Variants in RUNX1T1 observed in about 807,000 individuals in gnomAD.
RUNX1T1 encodes protein CBFA2T1.
Under a neutral mutation model 62.8 loss-of-function variants are expected in RUNX1T1, and 4 were observed. The observed-to-expected ratio is 0.06, with a 90% CI of 0.03 to 0.15. The LOEUF (loss-of-function observed/expected upper bound fraction) is 0.15. Among genes scored for constraint, RUNX1T1 ranks in the 10% least tolerant of loss-of-function variants. The pLI, the probability that RUNX1T1 is intolerant of heterozygous loss-of-function variation, is 1.00. For missense variants in RUNX1T1, 508 were observed against 754.3 expected (o/e 0.67, Z 3.82); for synonymous variants, 291 against 286.0 (o/e 1.02, Z -0.18).
chr8:92,006,649 C>T (rs1820833750), intron 4 of RUNX1T1: 2 of 150,862 alleles, frequency 1.3e-5, no homozygotes, highest in South Asian at 2.1e-4. Flanking sequence ...TTTTCCTTTA[C>T]TCTGAAGAAC....
intron 10 of RUNX1T1, among the ~76,000 whole-genome samples, chr8:91,967,850 G>T (rs1811966113): frequency 6.6e-6 from 1 of 152,112 alleles, no homozygotes; most frequent in Non-Finnish European, 1.5e-5. Flanking sequence ...TTTACAATAG[G>T]TGGTGGCTTC....
intron 2 of RUNX1T1, among the ~76,000 whole-genome samples, chr8:92,070,460 T>C (rs1296268156): frequency 6.6e-6 from 1 of 152,154 alleles, no homozygotes; most frequent in Non-Finnish European, 1.5e-5. Context: ...AGGATACACA[T>C]AACACTTATG....
At chr8:91,955,784 A>C (rs1017980572), downstream of RUNX1T1, 3 of 225,878 alleles carry the variant, frequency 1.3e-5, no homozygotes, top group African/African-American at 6.7e-5. Context: ...TATATAAGAT[A>C]ATCTGTGTTT....
downstream of RUNX1T1, chr8:91,958,318 A>G (rs1809670182): frequency 5.1e-6 from 1 of 197,022 alleles, no homozygotes; most frequent in African/African-American, 2.3e-5. Context: ...GGGTTAATGG[A>G]TTCATACTAT....
chr8:92,083,913 G>A (rs546975808), intron 1 of RUNX1T1, among the ~76,000 whole-genome samples: 36 of 152,240 alleles, frequency 2.4e-4, no homozygotes, highest in African/African-American at 8.2e-4. Context: ...GGAATACTAC[G>A]CAGCCATAAA....
chr8:91,956,962 C>T (rs1158341640), downstream of RUNX1T1: 1 of 194,330 alleles, frequency 5.1e-6, no homozygotes, highest in East Asian at 7.9e-5. Flanking sequence ...AAGACATGCA[C>T]CTACACATAA....
intron 1 of RUNX1T1, among the ~76,000 whole-genome samples, chr8:92,090,576 T>C (rs1017470365): frequency 2.6e-5 from 4 of 152,144 alleles, no homozygotes; most frequent in Middle Eastern, 3.2e-3. Context: ...TAGCACACAC[T>C]TGTGAGTATC....
intron 5 of RUNX1T1, among the ~76,000 whole-genome samples, chr8:92,000,980 A>C (rs1443154594): frequency 3.9e-5 from 6 of 152,218 alleles, no homozygotes; most frequent in African/African-American, 1.4e-4. Context: ...TCCACTAAGA[A>C]GCTTTGCAAC....
At chr8:92,008,429 C>CAT (rs60415416) in intron 4 of RUNX1T1, among the ~76,000 whole-genome samples, 1 of 148,420 alleles carries the variant, frequency 6.7e-6, no homozygotes, top group South Asian at 2.2e-4. Context: ...CACACACACA[C>CAT]GAGACTATGT....
intron 1 of RUNX1T1, among the ~76,000 whole-genome samples, chr8:92,038,275 T>C (rs1827795995): frequency 6.6e-6 from 1 of 152,140 alleles, no homozygotes; most frequent in South Asian, 2.1e-4. Context: ...AGCACTGTTA[T>C]ATCCCAGTCC....
intron 5 of RUNX1T1, among the ~76,000 whole-genome samples, chr8:91,996,128 AAGTG>A (rs1177275043): frequency 6.6e-6 from 1 of 152,200 alleles, no homozygotes; most frequent in African/African-American, 2.4e-5. Flanking sequence ...TAGAAATCTG[AAGTG>A]AGAGGTAACT....
intron 9 of RUNX1T1, among the ~76,000 whole-genome samples, chr8:91,973,888 A>T (rs1047235966): frequency 6.6e-6 from 1 of 152,108 alleles, no homozygotes; most frequent in Non-Finnish European, 1.5e-5. Context: ...CTATTCCCAA[A>T]CTGTTTTTAA....
At chr8:92,064,796 G>A (rs751327476), upstream of RUNX1T1, among the ~76,000 whole-genome samples, 4 of 152,124 alleles carry the variant, frequency 2.6e-5, no homozygotes, top group South Asian at 2.1e-4. Flanking sequence ...TCTTAATATC[G>A]GTACACTGCA....
At chr8:92,089,204 C>A (rs1056835361) in intron 1 of RUNX1T1, among the ~76,000 whole-genome samples, 2 of 152,114 alleles carry the variant, frequency 1.3e-5, no homozygotes, top group Non-Finnish European at 2.9e-5. Flanking sequence ...GAAACCCTAG[C>A]CTGGGTTTAC....
At chr8:92,028,886 C>G (rs1825742932) in intron 1 of RUNX1T1, among the ~76,000 whole-genome samples, 1 of 151,910 alleles carries the variant, frequency 6.6e-6, no homozygotes, top group Non-Finnish European at 1.5e-5. Context: ...AAACAAAAAA[C>G]AAAAACAAGT....
At chr8:92,094,756 G>T (rs1837535424) in intron 1 of RUNX1T1, among the ~76,000 whole-genome samples, 1 of 150,112 alleles carries the variant, frequency 6.7e-6, no homozygotes, top group African/African-American at 2.5e-5. Flanking sequence ...AGGGTAGGGG[G>T]TTGTCGGGAG....
chr8:92,047,668 T>C (rs76901483), intron 1 of RUNX1T1, among the ~76,000 whole-genome samples: 1 of 151,908 alleles, frequency 6.6e-6, no homozygotes, highest in Admixed American at 6.6e-5. Context: ...CTTACAGACC[T>C]ATCATAACTG....
At chr8:92,053,517 T>C (rs944025738) in intron 1 of RUNX1T1, among the ~76,000 whole-genome samples, 2 of 152,220 alleles carry the variant, frequency 1.3e-5, no homozygotes, top group Non-Finnish European at 2.9e-5. Context: ...GTGTTGTATG[T>C]TGCATTATAC....
At chr8:91,959,413 TGTGTGTG>T in exon 11 of RUNX1T1, 1 of 52,756 alleles carries the variant, frequency 1.9e-5, no homozygotes, top group Non-Finnish European at 4.1e-5. Context: ...GTCTCTTACT[TGTGTGTG>T]TGTGTGTGTG....
Sources: allele counts gnomAD v4.1 joint callset (sites outside exome capture counted in the v4.1 genomes callset), GRCh38; gene constraint gnomAD v4.1.1; transcripts MANE v1.5; gene names NCBI Gene and HGNC (gene_info 2026-07-23, HGNC 2026-07-21).